BMPR2: variants seen among roughly 807,000 people sequenced by gnomAD.
BMPR2 encodes the protein bone morphogenetic protein receptor type 2, also known as bone morphogenetic protein receptor type-2.
BMPR2 carries 29 observed loss-of-function variants against 100.8 expected under a neutral mutation model. The observed-to-expected ratio is 0.29, with a 90% CI of 0.21 to 0.39. BMPR2 has a LOEUF of 0.39. Among genes scored for constraint, BMPR2 ranks in the 10% least tolerant of loss-of-function variants. The pLI, the probability that BMPR2 is intolerant of heterozygous loss-of-function variation, is 1.00. For missense variants in BMPR2, 1,011 were observed against 1,274.5 expected (o/e 0.79, Z 3.15); for synonymous variants, 382 against 442.3 (o/e 0.86, Z 1.71).
chr2:202,387,344 T>C (rs547757092), intron 1 of BMPR2, among the ~76,000 whole-genome samples: 32 of 152,350 alleles, frequency 2.1e-4, no homozygotes, highest in Non-Finnish European at 3.7e-4. Flanking sequence ...TTTACTGTGT[T>C]ATCTCATTAT....
chr2:202,463,520 A>G (rs1369746014), intron 1 of BMPR2, among the ~76,000 whole-genome samples: 1 of 152,242 alleles, frequency 6.6e-6, no homozygotes, highest in East Asian at 1.9e-4. Context: ...CTAAAGGTAC[A>G]CATCCAAAAT....
chr2:202,538,089 T>C (rs1688197762), intron 9 of BMPR2, among the ~76,000 whole-genome samples: 1 of 150,546 alleles, frequency 6.6e-6, no homozygotes, highest in Non-Finnish European at 1.5e-5. Context: ...GCCACTGCAC[T>C]CCAGCCTGGG....
In BMPR2 at chr2:202,562,885, A is replaced by T. The variant is rs13382817; in HGVS notation, c.*2939A>T. Reference sequence around the variant, plus strand: ...AGTGTAGGAAGTTACAAGAAGGCACATACTGAATGCTGAAGTATACATATG... The same window carrying T: ...AGTGTAGGAAGTTACAAGAAGGCACTTACTGAATGCTGAAGTATACATATG... On this transcript the variant is annotated 3_prime_UTR_variant, in exon 13 of 13. Coordinates refer to ENST00000374580, the MANE Select transcript of BMPR2 (RefSeq NM_001204.7). 3 of 152,198 alleles carry T rather than the reference A, an allele frequency of 2.0e-5. No homozygotes were observed. The highest frequency in any genetic ancestry group is 2.0e-4 in the Admixed American group (3 of 15,274). 9.4% of individuals were successfully genotyped at this position (152,198 alleles called of 1,614,324 possible).
intron 1 of BMPR2, among the ~76,000 whole-genome samples, chr2:202,435,372 A>AATATATATATATAT (rs1553500523): frequency 1.7e-5 from 1 of 59,968 alleles, no homozygotes; most frequent in Non-Finnish European, 3.3e-5. Flanking sequence ...TCAAAAAAAA[A>AATATATATATATAT]ATACATATAT....
At chr2:202,555,158 C>T in intron 11 of BMPR2, 94 bp from the exon 12 acceptor site, 1 of 1,180,032 alleles carries the variant, frequency 8.5e-7, no homozygotes, top group South Asian at 1.3e-5. Flanking sequence ...AAATGAAAAA[C>T]AACTCAGACT....
At chr2:202,513,343 C>T (rs1687657049) in intron 3 of BMPR2, among the ~76,000 whole-genome samples, 1 of 152,086 alleles carries the variant, frequency 6.6e-6, no homozygotes, top group Non-Finnish European at 1.5e-5. Flanking sequence ...TTGGGAAATA[C>T]AGAGTACTAT....
rs1170146151 is a variant in BMPR2, at chr2:202,387,043, A to G, written c.76+9493A>G. ...CTTTGCTTAAAACTATTGTCTTCCCATCTCATTCAGAATAATAGTCACAGT... is the reference window on the plus strand; with the variant it reads ...CTTTGCTTAAAACTATTGTCTTCCCGTCTCATTCAGAATAATAGTCACAGT... On this transcript the variant is annotated intron_variant, in intron 1 of 12. Transcript: ENST00000374580. Among the ~76,000 whole-genome samples, 3 of 152,188 alleles carry G rather than the reference A, an allele frequency of 2.0e-5. No individual in the cohort carries two copies. In the East Asian group the frequency reaches 5.8e-4, roughly 29 times the overall value.
At chr2:202,541,043 A>T (rs909298055) in intron 9 of BMPR2, among the ~76,000 whole-genome samples, 1 of 152,232 alleles carries the variant, frequency 6.6e-6, no homozygotes, top group African/African-American at 2.4e-5. Context: ...AAAGCCTAAC[A>T]TCAGAGTTGA....
intron 1 of BMPR2, among the ~76,000 whole-genome samples, chr2:202,415,841 G>A (rs1209046160): frequency 6.6e-6 from 1 of 152,190 alleles, no homozygotes; most frequent in Admixed American, 6.5e-5. Flanking sequence ...GATGTATAAG[G>A]AGATGAATGT....
At chr2:202,469,754 A>G (rs1692397338) in intron 3 of BMPR2, among the ~76,000 whole-genome samples, 1 of 152,038 alleles carries the variant, frequency 6.6e-6, no homozygotes. Flanking sequence ...AAGTGCTGAG[A>G]CTACAGGCCT....
intron 1 of BMPR2, among the ~76,000 whole-genome samples, chr2:202,389,388 G>C (rs1026822212): frequency 1.3e-5 from 2 of 150,768 alleles, no homozygotes; most frequent in African/African-American, 2.4e-5. Context: ...TTAGCTTGGC[G>C]TGGTGGCATG....
At chr2:202,522,828 T>TAA (rs901225736) in intron 7 of BMPR2, among the ~76,000 whole-genome samples, 1 of 144,424 alleles carries the variant, frequency 6.9e-6, no homozygotes, top group Non-Finnish European at 1.5e-5. Flanking sequence ...AGACATCGTC[T>TAA]AAAAAAAAAA....
chr2:202,512,434 T>G (rs1394263994), intron 3 of BMPR2, among the ~76,000 whole-genome samples: 1 of 152,244 alleles, frequency 6.6e-6, no homozygotes, highest in African/African-American at 2.4e-5. Flanking sequence ...CATGCTTTTC[T>G]GTATGCTCAA....
Position 202,376,758 on chromosome 2 carries a change from G to A in BMPR2, c.-717G>A, listed in dbSNP as rs1690155146. Reference sequence around the variant, plus strand: ...GTCTCGGGGAGCCCGGACCGGGGCCGCGACCGCGACCCCTCCCCTCCCCCG... The same window carrying A: ...GTCTCGGGGAGCCCGGACCGGGGCCACGACCGCGACCCCTCCCCTCCCCCG... On this transcript the variant is annotated 5_prime_UTR_variant, in exon 1 of 13. Coordinates refer to ENST00000374580, the MANE Select transcript of BMPR2 (RefSeq NM_001204.7). 6.7e-6 allele frequency among the ~76,000 whole-genome samples: 1 copy of A among 150,218 alleles called. No individual in the cohort carries two copies. The highest frequency in any genetic ancestry group is 2.0e-4 in the East Asian group (1 of 4,932).
intron 10 of BMPR2, among the ~76,000 whole-genome samples, chr2:202,544,352 C>A (rs2106033001): frequency 6.6e-6 from 1 of 152,134 alleles, no homozygotes; most frequent in South Asian, 2.1e-4. Context: ...ATTATGAATC[C>A]TTGCATGTTT....
intron 1 of BMPR2, among the ~76,000 whole-genome samples, chr2:202,394,953 T>C (rs188082017): frequency 2.5e-3 from 372 of 151,804 alleles, no homozygotes; most frequent in African/African-American, 8.5e-3. Context: ...TGGCGCAATC[T>C]CGGCTCACTG....
intron 1 of BMPR2, among the ~76,000 whole-genome samples, chr2:202,424,188 A>G (rs528282560): frequency 6.6e-6 from 1 of 152,176 alleles, no homozygotes; most frequent in East Asian, 1.9e-4. Flanking sequence ...AGCCTGGCCA[A>G]CATGGTGACA....
intron 3 of BMPR2, among the ~76,000 whole-genome samples, chr2:202,500,108 G>A (rs1270935317): frequency 2.0e-5 from 3 of 152,176 alleles, no homozygotes; most frequent in African/African-American, 7.2e-5. Context: ...CCCGGGGCAA[G>A]TGCCAGCTCA....
intron 1 of BMPR2, among the ~76,000 whole-genome samples, chr2:202,387,445 C>T (rs1318928053): frequency 6.6e-6 from 1 of 152,158 alleles, no homozygotes; most frequent in Non-Finnish European, 1.5e-5. Flanking sequence ...CAAGGTCAGG[C>T]CCCTATGGCT....
Sources: gnomAD v4.1 joint callset for allele counts (sites outside exome capture counted in the v4.1 genomes callset) on GRCh38, gnomAD v4.1.1 for gene constraint, MANE v1.5 for transcripts, NCBI Gene and HGNC (gene_info 2026-07-23, HGNC 2026-07-21) for gene names.